SHROOM2: variants seen among roughly 807,000 people sequenced by gnomAD.
SHROOM2 encodes the protein shroom family member 2.
In SHROOM2, 33 loss-of-function variants were observed where a neutral mutation model predicts 75.9. That is an observed-to-expected ratio of 0.43 (90% CI 0.33 to 0.58). The LOEUF is 0.58. SHROOM2 is among the 20% of genes least tolerant of loss of function. The pLI, the probability that SHROOM2 is intolerant of heterozygous loss-of-function variation, is 0.04. For missense variants in SHROOM2, 1,434 were observed against 1,461.2 expected (o/e 0.98, Z 0.30); for synonymous variants, 655 against 663.6 (o/e 0.99, Z 0.20).
At position 9,895,619 on chromosome X, in the gene SHROOM2, T is replaced by A. The variant is rs747084336; in HGVS notation, c.1711T>A (p.Trp571Arg). ...ASQRLAASIT[W>R]ADGESSRICP... The stretch of plus-strand genomic sequence containing the variant: ...CCAGAGGCTGGCAGCCAGCATCACG[T>A]GGGCAGATGGGGAGAGCAGCAGGAT... The change falls in exon 4 of 10, where the codon TGG becomes AGG. Residue 571 changes from tryptophan to arginine, a missense_variant. Transcript: ENST00000380913. The A allele has an allele frequency of 3.4e-6, 4 of 1,162,175 alleles. No homozygotes were observed. In the East Asian group the frequency reaches 1.3e-4, roughly 38 times the overall value.
chrX:9,801,046 A>T (rs1012567919), intron 1 of SHROOM2, among the ~76,000 whole-genome samples: 8 of 111,824 alleles, frequency 7.2e-5, no homozygotes, highest in Non-Finnish European at 9.4e-5. Flanking sequence ...TAAAGGAAAG[A>T]GGTTTAATGG....
At chrX:9,798,286 A>G (rs985301652) in intron 1 of SHROOM2, among the ~76,000 whole-genome samples, 5 of 112,019 alleles carry the variant, frequency 4.5e-5, no homozygotes, top group African/African-American at 9.7e-5. Flanking sequence ...TATGGCTTGC[A>G]GATTCTGAAG....
At chrX:9,939,410 A>G (rs773726953) in intron 8 of SHROOM2, 44 bp downstream of exon 8, 7 of 1,094,492 alleles carry the variant, frequency 6.4e-6, no homozygotes, top group Middle Eastern at 2.5e-4. Context: ...GTGTCCAGGC[A>G]GGGGCAGGCA....
chrX:9,947,005 G>A lies in SHROOM2; in HGVS notation c.*68G>A, dbSNP rs1013768894. 28 of 1,024,609 alleles carry A rather than the reference G, an allele frequency of 2.7e-5. No homozygotes were observed. The highest frequency in any genetic ancestry group is 3.3e-5 in the East Asian group (1 of 30,548). 84.4% of individuals were successfully genotyped at this position (1,024,609 alleles called of 1,213,427 possible). A position where few individuals can be genotyped will look rare whatever the true frequency, so the allele number is the denominator to read the frequency against. The stretch of plus-strand genomic sequence containing the variant: ...TCCAGCTCCGTTCCCAAGGATACTC[G>A]TGAAGACCCCATCTGTGTTCATGGC... On this transcript the variant is annotated 3_prime_UTR_variant, in exon 10 of 10. Transcript: ENST00000380913.
At chrX:9,842,837 C>T (rs949642089) in intron 1 of SHROOM2, among the ~76,000 whole-genome samples, 4 of 111,649 alleles carry the variant, frequency 3.6e-5, no homozygotes. Flanking sequence ...CTTCCCTCCC[C>T]TCTTGCTTGG....
At chrX:9,908,972 T>A (rs776872445) in intron 5 of SHROOM2, among the ~76,000 whole-genome samples, 10 of 109,548 alleles carry the variant, frequency 9.1e-5, no homozygotes, top group Non-Finnish European at 1.9e-4. Flanking sequence ...AATAAATAAA[T>A]AAAAACAAAA....
At position 9,883,220 on chromosome X, in the gene SHROOM2, G is replaced by A. The variant is rs184803353; in HGVS notation, c.318-7757G>A. On this transcript the variant is annotated intron_variant, in intron 2 of 9. Coordinates refer to ENST00000380913, the MANE Select transcript of SHROOM2 (RefSeq NM_001649.4). The stretch of plus-strand genomic sequence containing the variant: ...GTGCGGACTCAGAGAGGAAGGAAGG[G>A]TGGAAGTTGATCCAGGAAAGTCTTT... Among the ~76,000 whole-genome samples the A allele has an allele frequency of 6.0e-3, 670 of 112,419 alleles. 1 individual carries two copies. Among genetic ancestry groups the A allele is most frequent in the Non-Finnish European group, 8.7e-3 (465 of 53,269 alleles).
chrX:9,879,346 C>T (rs1418853597), intron 2 of SHROOM2, among the ~76,000 whole-genome samples: 9 of 111,734 alleles, frequency 8.1e-5, no homozygotes, highest in Non-Finnish European at 1.7e-4. Context: ...CTGCAACCTT[C>T]GCCACCCGGG....
At chrX:9,928,532 T>C (rs1278864696) in intron 5 of SHROOM2, among the ~76,000 whole-genome samples, 1 of 112,096 alleles carries the variant, frequency 8.9e-6, no homozygotes, top group Non-Finnish European at 1.9e-5. Flanking sequence ...CATACATATA[T>C]GCAGAGACAC....
chrX:9,924,467 C>G (rs886121437), intron 5 of SHROOM2, among the ~76,000 whole-genome samples: 4 of 111,577 alleles, frequency 3.6e-5, no homozygotes, highest in African/African-American at 1.3e-4. Flanking sequence ...GCAATCCTCC[C>G]GCTTCAGCCT....
Position 9,926,917 on chromosome X carries a change from G to A in SHROOM2, c.2892-5258G>A, listed in dbSNP as rs781457602. On this transcript the variant is annotated intron_variant, in intron 5 of 9. Coordinates refer to ENST00000380913, the MANE Select transcript of SHROOM2 (RefSeq NM_001649.4). ...AAATCCAAAACACTTCTGGTCCCAA[G>A]CATTTCGGAAGAGAGATGTTTAACC... Among the ~76,000 whole-genome samples, 6 of 110,735 alleles carry A rather than the reference G, an allele frequency of 5.4e-5. No homozygotes were observed. In the Admixed American group the frequency reaches 5.8e-4, roughly 11 times the overall value.
At position 9,891,095 on chromosome X, in the gene SHROOM2, C is replaced by T. The variant is rs770261260; in HGVS notation, c.436C>T (p.Arg146Ter). Residue 146 changes from arginine to a stop codon, truncating the protein, a stop_gained, in exon 3 of 10, where the codon CGA (arginine) becomes TGA (stop). Coordinates refer to ENST00000380913, the MANE Select transcript of SHROOM2 (RefSeq NM_001649.4). LOFTEE classifies it high-confidence loss of function. ...STSGCPSWSG[R>*]HHASSSSHDL... ...CAGCGGCTGTCCTTCCTGGTCCGGC[C>T]GACACCACGCGAGGTAGGCACCCAT... 1.7e-6 allele frequency: 2 copies of T among 1,204,823 alleles called. No homozygotes were observed. The highest frequency in any genetic ancestry group is 2.2e-6 in the Non-Finnish European group (2 of 892,257).
chrX:9,887,659 A>G (rs1337302866), intron 2 of SHROOM2, among the ~76,000 whole-genome samples: 1 of 112,559 alleles, frequency 8.9e-6, no homozygotes, highest in Non-Finnish European at 1.9e-5. Context: ...ACTCAGAAGC[A>G]TGCTATGTGT....
intron 1 of SHROOM2, among the ~76,000 whole-genome samples, chrX:9,855,304 A>AAAAT (rs2084062964): frequency 9.6e-6 from 1 of 104,220 alleles, no homozygotes; most frequent in Non-Finnish European, 2.0e-5. Flanking sequence ...GTAAAAAAAA[A>AAAAT]AAAAAAAAAA....
intron 1 of SHROOM2, among the ~76,000 whole-genome samples, chrX:9,810,866 A>G (rs968134292): frequency 2.7e-5 from 3 of 111,566 alleles, no homozygotes; most frequent in South Asian, 3.8e-4. Context: ...CCACCGTTCT[A>G]TTAATCCAGC....
chrX:9,940,040 A>G (rs1223987160), intron 8 of SHROOM2, among the ~76,000 whole-genome samples: 1 of 112,214 alleles, frequency 8.9e-6, no homozygotes, highest in African/African-American at 3.2e-5. Flanking sequence ...GCAGCCTCCC[A>G]AAGTGCTGGG....
chrX:9,811,049 C>T (rs895546917), intron 1 of SHROOM2, among the ~76,000 whole-genome samples: 2 of 111,896 alleles, frequency 1.8e-5, no homozygotes, highest in Non-Finnish European at 3.8e-5. Context: ...GCAGAAGCAT[C>T]GCGTGCAGGA....
chrX:9,941,920 G>A (rs752213707), intron 8 of SHROOM2, among the ~76,000 whole-genome samples: 3 of 102,162 alleles, frequency 2.9e-5, no homozygotes, highest in African/African-American at 1.1e-4. Context: ...GCAGTGAGCT[G>A]AGATAGCGCC....
At chrX:9,794,623 C>T (rs2146725324) in intron 1 of SHROOM2, among the ~76,000 whole-genome samples, 1 of 111,824 alleles carries the variant, frequency 8.9e-6, no homozygotes, top group East Asian at 2.8e-4. Context: ...CCCACCTCAG[C>T]CTCCCAAAGT....
Sources: allele counts gnomAD v4.1 joint callset (sites outside exome capture counted in the v4.1 genomes callset), GRCh38; gene constraint gnomAD v4.1.1; transcripts MANE v1.5; gene names NCBI Gene and HGNC (gene_info 2026-07-23, HGNC 2026-07-21).